Variants in NELL2 observed in about 807,000 individuals in gnomAD.
NELL2 encodes neural EGFL like 2.
NELL2 carries 41 observed loss-of-function variants against 109.6 expected under a neutral mutation model. The ratio of observed to expected loss-of-function variants is 0.37; its 90% CI spans 0.29 to 0.49. The LOEUF (loss-of-function observed/expected upper bound fraction) is 0.49, where lower values mean the gene tolerates loss of function less well. NELL2 is among the 20% of genes least tolerant of loss of function. The pLI, the probability that NELL2 is intolerant of heterozygous loss-of-function variation, is 0.98. For synonymous variants in NELL2, 355 were observed against 344.7 expected (o/e 1.03, Z -0.33); for missense variants, 900 against 1,008.3 (o/e 0.89, Z 1.45).
intron 16 of NELL2, 100 bp from the exon 17 acceptor site, chr12:44,523,584 G>T: frequency 2.1e-6 from 2 of 953,506 alleles, no homozygotes; most frequent in South Asian, 1.6e-5. Flanking sequence ...GTATTCAACT[G>T]TAAATTAATT....
chr12:44,804,711 G>T (rs1009956244), intron 3 of NELL2, among the ~76,000 whole-genome samples: 7 of 151,806 alleles, frequency 4.6e-5, no homozygotes, highest in South Asian at 2.1e-4. Flanking sequence ...TAATGCCAAA[G>T]AATTAAAATT....
At chr12:44,545,010 A>G (rs1942734359) in intron 15 of NELL2, among the ~76,000 whole-genome samples, 2 of 152,096 alleles carry the variant, frequency 1.3e-5, no homozygotes, top group Non-Finnish European at 2.9e-5. Flanking sequence ...GAAGAAGATC[A>G]CAAGTCAAAC....
intron 2 of NELL2, among the ~76,000 whole-genome samples, chr12:44,871,375 A>C (rs996450353): frequency 1.3e-5 from 2 of 152,230 alleles, no homozygotes; most frequent in African/African-American, 4.8e-5. Flanking sequence ...TTCATTTGTT[A>C]TGTGCCTAAC....
upstream of NELL2, among the ~76,000 whole-genome samples, chr12:44,880,183 C>T (rs1945396188): frequency 6.7e-6 from 1 of 150,266 alleles, no homozygotes; most frequent in Non-Finnish European, 1.5e-5. Context: ...TATCTCATGA[C>T]CTCAGGATAT....
intron 12 of NELL2, among the ~76,000 whole-genome samples, chr12:44,703,142 A>G (rs1937650554): frequency 6.6e-6 from 1 of 152,234 alleles, no homozygotes; most frequent in African/African-American, 2.4e-5. Context: ...AAGCCAGAGC[A>G]TTTGCAAATG....
intron 3 of NELL2, among the ~76,000 whole-genome samples, chr12:44,801,512 G>T (rs1450542): frequency 0.71 from 107,420 of 151,972 alleles, 38,439 homozygotes; most frequent in Non-Finnish European, 0.75. Context: ...CAGGATAATA[G>T]TTAGGACGAT....
intron 9 of NELL2, among the ~76,000 whole-genome samples, chr12:44,732,918 A>G (rs564228917): frequency 1.3e-5 from 2 of 152,200 alleles, no homozygotes; most frequent in South Asian, 2.1e-4. Flanking sequence ...CAAAAAAGAT[A>G]TATAAATGGC....
At chr12:44,532,856 T>G (rs2139011370) in intron 15 of NELL2, 135 bp from the exon 16 acceptor site, 2 of 798,398 alleles carry the variant, frequency 2.5e-6, no homozygotes, top group East Asian at 5.5e-5. Flanking sequence ...TAAGAAAGTC[T>G]ACTTGTTTGT....
chr12:44,774,549 T>C, intron 9 of NELL2, 198 bp downstream of exon 9: 1 of 552,692 alleles, frequency 1.8e-6, no homozygotes, highest in Non-Finnish European at 3.2e-6. Flanking sequence ...AAGAAAAAAT[T>C]GTCCTACTGG....
At chr12:44,908,902 T>C (rs1350810609) in intron 1 of NELL2, among the ~76,000 whole-genome samples, 1 of 151,994 alleles carries the variant, frequency 6.6e-6, no homozygotes, top group Non-Finnish European at 1.5e-5. Context: ...ATCCTTTCTC[T>C]GAAAGAAGAG....
chr12:44,781,213 T>C (rs1941946242), intron 3 of NELL2, among the ~76,000 whole-genome samples: 1 of 150,996 alleles, frequency 6.6e-6, no homozygotes, highest in Non-Finnish European at 1.5e-5. Context: ...TAAAACCAAA[T>C]AGAAACTTCA....
chr12:44,867,350 C>T (rs1473636095), intron 2 of NELL2, among the ~76,000 whole-genome samples: 1 of 152,150 alleles, frequency 6.6e-6, no homozygotes, highest in Non-Finnish European at 1.5e-5. Flanking sequence ...AAATGTGATA[C>T]ATCAAATTAA....
chr12:44,520,227 T>C lies in NELL2; in HGVS notation c.2178A>G (p.Gln726=). The C allele has an allele frequency of 1.2e-6, 2 of 1,608,278 alleles. No homozygotes were observed. Among genetic ancestry groups the C allele is most frequent in the Non-Finnish European group, 1.7e-6 (2 of 1,177,460 alleles). ...VQNCQQCRCL[Q]GEVDCWPLPC... ...GCAGGGGCCAACAATCAACTTCCCC[T>C]TGCTACAAGGAAAGCAGATGTGCAA... The change falls in exon 19 of 20, where the codon CAA becomes CAG. Residue 726 remains glutamine, a splice_region_variant and synonymous_variant. Coordinates refer to ENST00000429094, the MANE Select transcript of NELL2 (RefSeq NM_001145108.2).
At chr12:44,724,269 G>A (rs1210507993) in intron 9 of NELL2, among the ~76,000 whole-genome samples, 1 of 150,864 alleles carries the variant, frequency 6.6e-6, no homozygotes, top group Non-Finnish European at 1.5e-5. Flanking sequence ...CAGGGTGTGG[G>A]CTAAAGAACC....
chr12:44,809,398 C>T (rs548232425), intron 3 of NELL2, among the ~76,000 whole-genome samples: 30 of 152,046 alleles, frequency 2.0e-4, no homozygotes, highest in African/African-American at 6.0e-4. Context: ...ACACAATAGT[C>T]AGAAAACTAT....
rs149748628 is a variant in NELL2 at position 44,754,348 on chromosome 12, AT to A, written c.994+20398del. Among the ~76,000 whole-genome samples the A allele has an allele frequency of 5.3e-4, 80 of 152,344 alleles. No individual in the cohort carries two copies. In the East Asian group the frequency reaches 0.015, roughly 28 times the overall value. ...AAACATTTACTCTATGGAAATATTA[AT>A]AATCCTATACTTAAAGGTAAAGCAT... is the stretch of plus-strand genomic sequence containing the variant. On this transcript the variant is annotated intron_variant, in intron 9 of 19. Transcript: ENST00000429094.
intron 9 of NELL2, among the ~76,000 whole-genome samples, chr12:44,724,611 C>A (rs1344204708): frequency 6.6e-6 from 1 of 151,556 alleles, no homozygotes; most frequent in Non-Finnish European, 1.5e-5. Context: ...AGAGAAGACA[C>A]AAAAAAATGG....
chr12:44,681,595 C>G (rs1013825400), intron 12 of NELL2, among the ~76,000 whole-genome samples: 6 of 151,828 alleles, frequency 4.0e-5, no homozygotes, highest in South Asian at 4.2e-4. Flanking sequence ...AGTCCCCAGA[C>G]TGTGATGTTC....
At chr12:44,799,640 GA>G (rs1942763956) in intron 3 of NELL2, among the ~76,000 whole-genome samples, 2 of 152,144 alleles carry the variant, frequency 1.3e-5, no homozygotes, top group Admixed American at 6.5e-5. Context: ...CAGTATATTA[GA>G]GAGAAAAATT....
Sources: allele counts gnomAD v4.1 joint callset (sites outside exome capture counted in the v4.1 genomes callset), GRCh38; gene constraint gnomAD v4.1.1; transcripts MANE v1.5; gene names NCBI Gene and HGNC (gene_info 2026-07-23, HGNC 2026-07-21).